Variants in FAM228B observed in about 807,000 individuals in gnomAD.
The protein encoded by FAM228B is family with sequence similarity 228 member B.
Under a neutral mutation model 42.6 loss-of-function variants are expected in FAM228B, and 38 were observed. The ratio of observed to expected loss-of-function variants is 0.89; its 90% CI spans 0.69 to 1.17. The LOEUF (loss-of-function observed/expected upper bound fraction) is 1.17, where lower values mean the gene tolerates loss of function less well. Ranked by LOEUF, FAM228B falls within the 50% of genes most tolerant of loss-of-function variation. The pLI is 0.00. For synonymous variants in FAM228B, 109 were observed against 122.3 expected, an observed-to-expected ratio of 0.89 and a Z score of 0.72; for missense variants, 344 against 367.3, an observed-to-expected ratio of 0.94 and a Z score of 0.52.
upstream of FAM228B, chr2:24,123,110 A>G (rs1666174954): frequency 6.6e-6 from 1 of 152,220 alleles, no homozygotes; most frequent in South Asian, 2.1e-4. Flanking sequence ...GACCCCCCTC[A>G]TCAGGACCTC....
At position 24,084,719 on chromosome 2, in the gene FAM228B, TGA is replaced by T. The variant is rs1665184084; in HGVS notation, c.-210+3766_-210+3767del. 2 of 169,020 alleles carry T rather than the reference TGA, an allele frequency of 1.2e-5. No homozygotes were observed. The highest frequency in any genetic ancestry group is 2.5e-5 in the Non-Finnish European group (2 of 79,772). The allele number at this position is 169,020 out of a possible 1,614,324, so 10.5% of individuals were successfully genotyped here. On this transcript the variant is annotated intron_variant, in intron 2 of 10. Coordinates refer to the FAM228B transcript ENST00000613899. This position sits in a 1 kb window ranked among gnomAD's most constrained non-coding sequence, Gnocchi z 8.4. ...CCGACCCGGGTCCCCGGCGCCCGTA[TGA>T]GTTACTTACTCCTGGCCCGGCTCCC... is the stretch of plus-strand genomic sequence containing the variant.
chr2:24,088,636 C>G (rs1395641203), intron 2 of FAM228B, among the ~76,000 whole-genome samples: 1 of 152,218 alleles, frequency 6.6e-6, no homozygotes, highest in Non-Finnish European at 1.5e-5. Context: ...CAGGCGTGAG[C>G]CACCGCGCCC....
intron 7 of FAM228B, among the ~76,000 whole-genome samples, chr2:24,149,900 G>A (rs1178749396): frequency 6.6e-6 from 1 of 152,166 alleles, no homozygotes; most frequent in African/African-American, 2.4e-5. Flanking sequence ...CATGAGGCTT[G>A]TAAATGCTAT....
intron 3 of FAM228B, among the ~76,000 whole-genome samples, chr2:24,112,707 A>G (rs901207400): frequency 3.3e-5 from 5 of 152,230 alleles, no homozygotes. Flanking sequence ...TTCTAAAAGT[A>G]CTGTCTACCC....
intron 5 of FAM228B, among the ~76,000 whole-genome samples, chr2:24,139,992 T>A (rs1403660360): frequency 6.6e-6 from 1 of 152,232 alleles, no homozygotes; most frequent in Admixed American, 6.5e-5. Flanking sequence ...TTGCATGATA[T>A]TCTGTTACTA....
upstream of FAM228B, chr2:24,122,711 C>A: frequency 2.0e-6 from 1 of 503,660 alleles, no homozygotes; most frequent in Non-Finnish European, 3.5e-6. Flanking sequence ...CCCACCAGTA[C>A]CCAAAGAGGA....
At chr2:24,090,756 C>T (rs1573730699) in intron 2 of FAM228B, among the ~76,000 whole-genome samples, 1 of 152,090 alleles carries the variant, frequency 6.6e-6, no homozygotes, top group African/African-American at 2.4e-5. Flanking sequence ...CATTATAAAA[C>T]CTCCAAGCAA....
intron 3 of FAM228B, among the ~76,000 whole-genome samples, chr2:24,100,817 T>C (rs1249901674): frequency 3.9e-5 from 6 of 152,188 alleles, no homozygotes; most frequent in Non-Finnish European, 8.8e-5. Context: ...TGCACACGTA[T>C]GTTTATTGTG....
intron 2 of FAM228B, among the ~76,000 whole-genome samples, chr2:24,083,951 C>T (rs938834080): frequency 2.0e-5 from 3 of 152,220 alleles, no homozygotes; most frequent in African/African-American, 7.2e-5. Context: ...GTTCCGCCCT[C>T]ATCTGGAGGC....
chr2:24,134,779 C>T (rs1211621972), intron 2 of FAM228B, among the ~76,000 whole-genome samples: 3 of 152,100 alleles, frequency 2.0e-5, no homozygotes, highest in South Asian at 2.1e-4. Context: ...GGCAAAACCC[C>T]GTCTCTATCA....
intron 3 of FAM228B, among the ~76,000 whole-genome samples, chr2:24,099,156 A>T (rs1238541528): frequency 7.3e-6 from 1 of 137,438 alleles, no homozygotes; most frequent in Non-Finnish European, 1.7e-5. Flanking sequence ...GCTATTTATG[A>T]CAACCCCCAG....
intron 4 of FAM228B, among the ~76,000 whole-genome samples, chr2:24,138,554 C>T (rs974772863): frequency 1.3e-5 from 2 of 151,820 alleles, no homozygotes; most frequent in African/African-American, 2.4e-5. Flanking sequence ...AGGCTGGTCT[C>T]GAACTCCCTA....
At chr2:24,157,951 C>T (rs1017331292) in intron 7 of FAM228B, among the ~76,000 whole-genome samples, 1 of 152,092 alleles carries the variant, frequency 6.6e-6, no homozygotes, top group Admixed American at 6.6e-5. Context: ...AAACACAGTG[C>T]CACACTTTCC....
At chr2:24,120,343 T>C (rs936052134), upstream of FAM228B, among the ~76,000 whole-genome samples, 4 of 152,170 alleles carry the variant, frequency 2.6e-5, no homozygotes, top group African/African-American at 9.7e-5. Flanking sequence ...CATTTTGGAA[T>C]TGGACAGCTC....
intron 1 of FAM228B, 98 bp downstream of exon 1, chr2:24,123,631 A>G (rs886974161): frequency 6.6e-6 from 1 of 151,806 alleles, no homozygotes; most frequent in African/African-American, 2.4e-5. Context: ...CCGAGTGTGT[A>G]GCAGGACGGC....
intron 3 of FAM228B, among the ~76,000 whole-genome samples, chr2:24,136,424 A>G (rs1222396236): frequency 6.6e-6 from 1 of 152,182 alleles, no homozygotes. Flanking sequence ...TGGTTTCACC[A>G]CATTGGCCAG....
intron 1 of FAM228B, among the ~76,000 whole-genome samples, chr2:24,123,768 A>G (rs1379254326): frequency 6.6e-6 from 1 of 151,578 alleles, no homozygotes; most frequent in Non-Finnish European, 1.5e-5. Context: ...GCTGGCGTGG[A>G]GGCCGCAGGC....
At chr2:24,088,881 T>C (rs1307262868) in intron 2 of FAM228B, among the ~76,000 whole-genome samples, 2 of 151,960 alleles carry the variant, frequency 1.3e-5, no homozygotes, top group Admixed American at 6.6e-5. Context: ...AGGTAGAGAG[T>C]GTCAGAATTG....
intron 5 of FAM228B, among the ~76,000 whole-genome samples, chr2:24,143,648 A>G (rs747173755): frequency 9.9e-5 from 15 of 152,236 alleles, no homozygotes; most frequent in Non-Finnish European, 5.9e-5. Context: ...AAAATGTAAA[A>G]CAGTGTTACT....
Sources: allele counts gnomAD v4.1 joint callset (sites outside exome capture counted in the v4.1 genomes callset), GRCh38; gene constraint gnomAD v4.1.1; non-coding constraint Gnocchi (gnomAD v3.1); transcripts MANE v1.5; gene names NCBI Gene and HGNC (gene_info 2026-07-23, HGNC 2026-07-21).